The following ZNF503 variants were observed in gnomAD, a reference collection of about 807,000 sequenced individuals.
The protein encoded by ZNF503 is NocA-like zinc finger 2.
ZNF503 carries 15 observed loss-of-function variants against 34.4 expected under a neutral mutation model. The ratio of observed to expected loss-of-function variants is 0.44; its 90% CI spans 0.29 to 0.67. The LOEUF is 0.67. Ranked by LOEUF, ZNF503 falls within the 30% of genes least tolerant of loss-of-function variation. The pLI is 0.13. For synonymous variants in ZNF503, 580 were observed against 456.8 expected (o/e 1.27, Z -3.44); for missense variants, 1,007 against 926.8 (o/e 1.09, Z -1.12).
At chr10:75,290,006 C>G in the ZNF503 span, among the ~76,000 whole-genome samples, 1 of 152,222 alleles carries the variant, frequency 6.6e-6, no homozygotes, top group Admixed American at 6.5e-5. Flanking sequence ...TCCCCATTCT[C>G]TCTTTCCTCT....
At chr10:75,311,670 C>CAAAA in the ZNF503 span, among the ~76,000 whole-genome samples, 1,306 of 109,216 alleles carry the variant, frequency 0.012, 26 homozygotes, top group African/African-American at 0.042. Context: ...CTAAAAATAC[C>CAAAA]AAAAAAAAAA....
At chr10:75,367,735 C>T in the ZNF503 span, among the ~76,000 whole-genome samples, 1 of 152,154 alleles carries the variant, frequency 6.6e-6, no homozygotes. Context: ...GAGCATCGAT[C>T]CTTATCTCCT....
At chr10:75,385,985 C>A in the ZNF503 span, among the ~76,000 whole-genome samples, 156 of 152,284 alleles carry the variant, frequency 1.0e-3, no homozygotes, top group African/African-American at 3.7e-3. Flanking sequence ...GAAACTCAAG[C>A]CATACAAAAG....
At chr10:75,393,882 A>G (rs1354571418), downstream of ZNF503, among the ~76,000 whole-genome samples, 1 of 152,014 alleles carries the variant, frequency 6.6e-6, no homozygotes, top group East Asian at 1.9e-4. Context: ...TAAAACAAAA[A>G]GAAAAAAGAA....
the ZNF503 span, among the ~76,000 whole-genome samples, chr10:75,305,404 T>G: frequency 6.6e-6 from 1 of 152,166 alleles, no homozygotes; most frequent in Non-Finnish European, 1.5e-5. Context: ...AGAGATCACA[T>G]GATCACATTA....
the ZNF503 span, among the ~76,000 whole-genome samples, chr10:75,293,406 G>A: frequency 2.0e-5 from 3 of 152,164 alleles, no homozygotes; most frequent in African/African-American, 7.2e-5. Context: ...CAGGAAGGAA[G>A]GGACATGACC....
At chr10:75,284,736 C>T in the ZNF503 span, among the ~76,000 whole-genome samples, 1 of 152,160 alleles carries the variant, frequency 6.6e-6, no homozygotes, top group Non-Finnish European at 1.5e-5. Context: ...CCAGCGATTT[C>T]CATGGGTGTG....
chr10:75,353,012 G>A, the ZNF503 span, among the ~76,000 whole-genome samples: 1 of 152,216 alleles, frequency 6.6e-6, no homozygotes. Flanking sequence ...GCTGTGTCCC[G>A]AGGGGGGGCA....
chr10:75,355,015 T>C, the ZNF503 span, among the ~76,000 whole-genome samples: 3 of 152,146 alleles, frequency 2.0e-5, no homozygotes, highest in Non-Finnish European at 2.9e-5. Flanking sequence ...ACTTTTTTTT[T>C]TGTATTTTTA....
chr10:75,334,992 A>T, the ZNF503 span, among the ~76,000 whole-genome samples: 1 of 152,220 alleles, frequency 6.6e-6, no homozygotes, highest in African/African-American at 2.4e-5. Context: ...GGTCGGTCTG[A>T]TATGAGGCAA....
At chr10:75,307,260 GA>G in the ZNF503 span, among the ~76,000 whole-genome samples, 1 of 152,222 alleles carries the variant, frequency 6.6e-6, no homozygotes, top group African/African-American at 2.4e-5. Flanking sequence ...TGAATTATAA[GA>G]AAGTGAAACA....
downstream of ZNF503, among the ~76,000 whole-genome samples, chr10:75,396,287 G>A (rs1843696001): frequency 6.6e-6 from 1 of 152,118 alleles, no homozygotes; most frequent in African/African-American, 2.4e-5. This position sits in a 1 kb window ranked among gnomAD's most constrained non-coding sequence, Gnocchi z 4.4. Flanking sequence ...GCGGGCCAGG[G>A]GTCCTCCTCG....
the ZNF503 span, among the ~76,000 whole-genome samples, chr10:75,362,002 A>C: frequency 6.6e-6 from 1 of 152,204 alleles, no homozygotes; most frequent in African/African-American, 2.4e-5. Context: ...AACCTGGGGC[A>C]TTGGGTCAAC....
At chr10:75,332,466 TTC>T in the ZNF503 span, among the ~76,000 whole-genome samples, 387 of 74,810 alleles carry the variant, frequency 5.2e-3, 3 homozygotes, top group African/African-American at 0.024. Context: ...GTTTAAATTT[TTC>T]TTTTTTTTTT....
downstream of ZNF503, among the ~76,000 whole-genome samples, chr10:75,393,073 C>G (rs1164025544): frequency 1.3e-5 from 2 of 152,314 alleles, no homozygotes; most frequent in African/African-American, 4.8e-5. Context: ...AGGAATATTT[C>G]TTGTACTGTG....
chr10:75,333,256 G>A, the ZNF503 span, among the ~76,000 whole-genome samples: 8 of 93,650 alleles, frequency 8.5e-5, no homozygotes, highest in East Asian at 3.4e-4. Flanking sequence ...CCTCCCTCCC[G>A]GACGGGGCGG....
At chr10:75,346,441 CT>C in the ZNF503 span, among the ~76,000 whole-genome samples, 39 of 141,924 alleles carry the variant, frequency 2.7e-4, no homozygotes, top group African/African-American at 4.7e-4. Flanking sequence ...TTTTTCTTTT[CT>C]TTTTTTTTTT....
the ZNF503 span, among the ~76,000 whole-genome samples, chr10:75,328,164 A>C: frequency 6.6e-6 from 1 of 152,088 alleles, no homozygotes; most frequent in Non-Finnish European, 1.5e-5. Flanking sequence ...CTCCATAAAA[A>C]CTTTGCCCAG....
At chr10:75,395,062 G>A (rs907242044), downstream of ZNF503, among the ~76,000 whole-genome samples, 2 of 152,214 alleles carry the variant, frequency 1.3e-5, no homozygotes, top group Non-Finnish European at 2.9e-5. This position sits in a 1 kb window ranked among gnomAD's most constrained non-coding sequence, Gnocchi z 4.4. Flanking sequence ...TGTCAGGGAC[G>A]AGTAAATGGG....
Sources: allele counts gnomAD v4.1 joint callset (sites outside exome capture counted in the v4.1 genomes callset), GRCh38; gene constraint gnomAD v4.1.1; non-coding constraint Gnocchi (gnomAD v3.1); transcripts MANE v1.5; gene names NCBI Gene and HGNC (gene_info 2026-07-23, HGNC 2026-07-21).